Variants in TSHR observed in about 807,000 individuals in gnomAD.
The protein encoded by TSHR is thyrotropin receptor.
A neutral mutation model predicts 64.1 loss-of-function variants in TSHR; 51 were observed. The ratio of observed to expected loss-of-function variants is 0.80; its 90% confidence interval spans 0.64 to 1.01. The LOEUF (loss-of-function observed/expected upper bound fraction) is 1.01. Among genes scored for constraint, TSHR ranks in the 50% least tolerant of loss-of-function variants. The probability of loss-of-function intolerance (pLI) is 0.00; values close to 1 mark genes in which losing one functional copy is unlikely to be tolerated. For missense variants in TSHR, 877 were observed against 942.8 expected (o/e 0.93, Z 0.91); for synonymous variants, 361 against 361.9 (o/e 1.00, Z 0.03).
At position 81,054,368 on chromosome 14, in the gene TSHR, A is replaced by C. The variant is rs183273913; in HGVS notation, c.171-7780A>C. On this transcript the variant is annotated intron_variant, in intron 1 of 9. Transcript: ENST00000298171. ...GTATGTCTTTATTAGCAGTGTGAAA[A>C]TGGATTAATACAGTAAATTGGTACT... Among the ~76,000 whole-genome samples the C allele has an allele frequency of 3.1e-3, 468 of 152,250 alleles. 3 individuals are homozygous for C. Among genetic ancestry groups the C allele is most frequent in the African/African-American group, 0.011 (448 of 41,540 alleles).
chr14:81,071,758 C>G (rs1410789734), intron 3 of TSHR, among the ~76,000 whole-genome samples: 1 of 150,914 alleles, frequency 6.6e-6, no homozygotes, highest in Non-Finnish European at 1.5e-5. Context: ...AAGAGCTGGT[C>G]TCTAAAATAA....
At chr14:81,057,020 A>T (rs928120221) in intron 1 of TSHR, among the ~76,000 whole-genome samples, 1 of 152,214 alleles carries the variant, frequency 6.6e-6, no homozygotes, top group African/African-American at 2.4e-5. Context: ...TTGTGGGTCT[A>T]CACCCCTGAT....
intron 1 of TSHR, chr14:80,983,563 T>C: frequency 8.4e-7 from 1 of 1,184,326 alleles, no homozygotes; most frequent in Non-Finnish European, 1.2e-6. Context: ...GGCTCAATTG[T>C]AGTTGTTGAT....
At chr14:81,026,238 C>A (rs758322062) in intron 1 of TSHR, among the ~76,000 whole-genome samples, 66 of 152,264 alleles carry the variant, frequency 4.3e-4, no homozygotes, top group Non-Finnish European at 8.7e-4. Context: ...ATTCTCCAAA[C>A]CTAGAGCAGT....
At position 81,085,082 on chromosome 14, in the gene TSHR, C is replaced by T. The variant is rs544036332; in HGVS notation, c.318-2872C>T. Among the ~76,000 whole-genome samples the T allele has an allele frequency of 4.6e-5, 7 of 152,292 alleles. No homozygotes were observed. The South Asian group carries it at 8.3e-4, about 18-fold the overall frequency. On this transcript the variant is annotated intron_variant, in intron 3 of 9. Transcript: ENST00000298171. The stretch of plus-strand genomic sequence containing the variant: ...GTTCAAGCGATTCTCATGTCTTGGC[C>T]TCCCAAATAGCTGGAATTACAGACA...
chr14:80,956,027 A>G lies in TSHR; in HGVS notation c.170+177A>G, dbSNP rs538983320. 119 of 735,228 alleles carry G rather than the reference A, an allele frequency of 1.6e-4. No individual in the cohort carries two copies. The African/African-American group carries it at 1.7e-3, about 10-fold the overall frequency. 45.5% of individuals were successfully genotyped at this position (735,228 alleles called of 1,614,324 possible). On this transcript the variant is annotated intron_variant, in intron 1 of 9. Coordinates refer to ENST00000298171, the MANE Select transcript of TSHR (RefSeq NM_000369.5). ...GTGTGCTAAAAACTTAATCGCCCAC[A>G]CTTGGGAAGGTATCATTGTTGACAT...
At chr14:81,038,435 GA>G (rs910950285) in intron 1 of TSHR, among the ~76,000 whole-genome samples, 27 of 133,882 alleles carry the variant, frequency 2.0e-4, no homozygotes, top group South Asian at 9.3e-4. Context: ...AGTAAAAAAA[GA>G]AAAAAAAAAG....
intron 8 of TSHR, among the ~76,000 whole-genome samples, chr14:81,114,919 C>G (rs1427139844): frequency 2.0e-5 from 3 of 152,186 alleles, no homozygotes; most frequent in Admixed American, 6.5e-5. Flanking sequence ...AGCAGGGGCA[C>G]ACTGACACCT....
At chr14:81,125,837 A>C (rs1352552902) in intron 8 of TSHR, among the ~76,000 whole-genome samples, 2 of 151,948 alleles carry the variant, frequency 1.3e-5, no homozygotes, top group African/African-American at 2.4e-5. Flanking sequence ...TTGTTGGGGA[A>C]GCAACTGAAG....
Position 81,103,122 on chromosome 14 carries a change from C to T in TSHR, c.615-5253C>T. On this transcript the variant is annotated intron_variant, in intron 7 of 9. Coordinates refer to ENST00000298171, the MANE Select transcript of TSHR (RefSeq NM_000369.5). The surrounding 1 kb of genome is among the most constrained non-coding windows in gnomAD (Gnocchi z 4.1). ...ATGGTTGTGATAAGGAGCCCTGGGA[C>T]TGGAGGAAGACAAGGATTGAGCTAT... is the stretch of plus-strand genomic sequence containing the variant. The T allele has an allele frequency of 2.0e-6, 2 of 985,304 alleles. No individual in the cohort carries two copies. Among genetic ancestry groups the T allele is most frequent in the Non-Finnish European group, 2.4e-6 (2 of 829,916 alleles). 61.0% of individuals were successfully genotyped at this position (985,304 alleles called of 1,614,324 possible). A position where few individuals can be genotyped will look rare whatever the true frequency, so the allele number is the denominator to read the frequency against.
At chr14:80,972,654 A>T (rs936282034) in intron 1 of TSHR, among the ~76,000 whole-genome samples, 4 of 152,188 alleles carry the variant, frequency 2.6e-5, no homozygotes, top group African/African-American at 9.7e-5. Context: ...TATAACTACC[A>T]TTCAGTGGCA....
intron 7 of TSHR, chr14:81,104,432 C>T (rs1194762780): frequency 1.0e-6 from 1 of 985,236 alleles, no homozygotes; most frequent in African/African-American, 1.7e-5. Flanking sequence ...CCTAAAACTC[C>T]CCAGAGAGCC....
At position 80,955,817 on chromosome 14, in the gene TSHR, G is replaced by A. The variant is rs2139669985; in HGVS notation, c.137G>A (p.Arg46His). The A allele has an allele frequency of 6.2e-7, 1 of 1,614,186 alleles. No homozygotes were observed. Among genetic ancestry groups the A allele is most frequent in the Non-Finnish European group, 8.5e-7 (1 of 1,180,044 alleles). The change falls in exon 1 of 10, where the codon CGC becomes CAC. Residue 46 changes from arginine to histidine, a missense_variant. Arg to His is a conservative substitution (Grantham distance 29). Coordinates refer to ENST00000298171, the MANE Select transcript of TSHR (RefSeq NM_000369.5). ...AGAGTCACCTGCAAGGATATTCAAC[G>A]CATCCCCAGCTTACCGCCCAGTACG... ...DFRVTCKDIQ[R>H]IPSLPPSTQT...
chr14:81,119,511 T>C (rs1217054494), intron 8 of TSHR, among the ~76,000 whole-genome samples: 1 of 133,738 alleles, frequency 7.5e-6, no homozygotes, highest in East Asian at 2.7e-4. Flanking sequence ...ATGGCAATCA[T>C]TAAAAAGTCA....
At chr14:80,987,410 T>C (rs975371898) in intron 1 of TSHR, among the ~76,000 whole-genome samples, 12 of 152,254 alleles carry the variant, frequency 7.9e-5, no homozygotes, top group Non-Finnish European at 1.5e-4. Context: ...TTTCTATACT[T>C]CAACGCTAGT....
At chr14:81,045,205 G>T (rs1350457336) in intron 1 of TSHR, among the ~76,000 whole-genome samples, 3 of 152,098 alleles carry the variant, frequency 2.0e-5, no homozygotes, top group East Asian at 1.9e-4. Flanking sequence ...GATGAAAAAA[G>T]AGCTGGGCTT....
chr14:81,001,412 A>G, intron 1 of TSHR: 1 of 442,068 alleles, frequency 2.3e-6, no homozygotes, highest in Non-Finnish European at 4.5e-6. Context: ...CATGAGCTCT[A>G]TAAGGCCAGT....
intron 1 of TSHR, chr14:81,051,515 G>A (rs1168377460): frequency 6.6e-6 from 1 of 152,126 alleles, no homozygotes; most frequent in Non-Finnish European, 1.5e-5. Flanking sequence ...AGTGAATGTG[G>A]AGTGCAGACG....
chr14:81,077,008 T>C (rs1240721773), intron 3 of TSHR, among the ~76,000 whole-genome samples: 2 of 152,172 alleles, frequency 1.3e-5, no homozygotes, highest in Non-Finnish European at 2.9e-5. Context: ...TGCTTTTGCC[T>C]CTGCCTAGAC....
Sources: gnomAD v4.1 joint callset for allele counts (sites outside exome capture counted in the v4.1 genomes callset) on GRCh38, gnomAD v4.1.1 for gene constraint, Gnocchi (gnomAD v3.1) non-coding constraint, MANE v1.5 for transcripts, NCBI Gene and HGNC (gene_info 2026-07-23, HGNC 2026-07-21) for gene names.